CD83: variants seen among roughly 807,000 people sequenced by gnomAD.
CD83 encodes CD83 molecule, also known as CD83 antigen.
CD83 carries 22 observed loss-of-function variants against 24.6 expected under a neutral mutation model. The observed-to-expected ratio is 0.90, with a 90% CI of 0.64 to 1.28. The LOEUF (loss-of-function observed/expected upper bound fraction) is 1.28, where lower values mean the gene tolerates loss of function less well. Ranked by LOEUF, CD83 falls within the 50% of genes most tolerant of loss-of-function variation. The pLI, the probability that CD83 is intolerant of heterozygous loss-of-function variation, is 0.00. For synonymous variants in CD83, 101 were observed against 103.5 expected (o/e 0.98, Z 0.14); for missense variants, 253 against 252.8 (o/e 1.00, Z -0.01).
intron 4 of CD83, 112 bp downstream of exon 4, chr6:14,133,867 T>G: frequency 1.5e-6 from 1 of 682,632 alleles, no homozygotes; most frequent in Non-Finnish European, 2.4e-6. Context: ...GAGATTATTC[T>G]TTGAACCCTG....
intron 2 of CD83, among the ~76,000 whole-genome samples, chr6:14,119,639 C>T (rs1001001082): frequency 6.6e-6 from 1 of 152,158 alleles, no homozygotes; most frequent in Non-Finnish European, 1.5e-5. Context: ...TGTTAGAGGT[C>T]TATCTTGATC....
At chr6:14,121,165 A>G (rs1020613859) in intron 2 of CD83, among the ~76,000 whole-genome samples, 1 of 152,056 alleles carries the variant, frequency 6.6e-6, no homozygotes, top group Non-Finnish European at 1.5e-5. Flanking sequence ...TAGTAGCTCA[A>G]TTTAGCTTTA....
At chr6:14,118,268 C>A (rs190535984) in intron 2 of CD83, among the ~76,000 whole-genome samples, 1 of 152,254 alleles carries the variant, frequency 6.6e-6, no homozygotes, top group African/African-American at 2.4e-5. Context: ...TTAGGTTTTG[C>A]TCTCCGCAGA....
At chr6:14,125,038 A>C (rs1391280707) in intron 2 of CD83, among the ~76,000 whole-genome samples, 5 of 152,230 alleles carry the variant, frequency 3.3e-5, no homozygotes, top group Admixed American at 2.6e-4. Flanking sequence ...TCTACAAGCC[A>C]AGCAACGCCG....
At chr6:14,121,455 G>A (rs1365644090) in intron 2 of CD83, among the ~76,000 whole-genome samples, 1 of 151,552 alleles carries the variant, frequency 6.6e-6, no homozygotes, top group Admixed American at 6.6e-5. Flanking sequence ...AGGATTACAG[G>A]CATGAGCCAA....
chr6:14,133,666 A>G lies in CD83; in HGVS notation c.400A>G (p.Lys134Glu). The change falls in exon 4 of 5, where the codon AAA becomes GAA. Residue 134 changes from lysine (K) to glutamate (E), a missense_variant. Coordinates refer to ENST00000379153, the MANE Select transcript of CD83 (RefSeq NM_004233.4). ...TTTTAAAGGATGCCCTGCACAGCGT[A>G]AAGAAGAGACTTTTAAGAAATACAG... ...LRVTGCPAQR[K>E]EETFKKYRAE... 17 of 1,613,014 alleles carry G rather than the reference A, an allele frequency of 1.1e-5. No individual in the cohort carries two copies. The highest frequency in any genetic ancestry group is 1.4e-5 in the Non-Finnish European group (17 of 1,179,140).
At chr6:14,132,334 G>A (rs1757929381) in intron 3 of CD83, among the ~76,000 whole-genome samples, 1 of 152,238 alleles carries the variant, frequency 6.6e-6, no homozygotes, top group Non-Finnish European at 1.5e-5. Flanking sequence ...TCACCTGAAT[G>A]AGAGGAACCT....
chr6:14,131,375 C>G (rs907927129), intron 2 of CD83, 145 bp from the exon 3 acceptor site: 11 of 629,574 alleles, frequency 1.7e-5, no homozygotes, highest in South Asian at 9.8e-5. Context: ...TTTCCTCCCC[C>G]AGAGGTCACA....
intron 2 of CD83, among the ~76,000 whole-genome samples, chr6:14,121,833 G>A (rs202088383): frequency 9.2e-5 from 14 of 152,024 alleles, no homozygotes; most frequent in Non-Finnish European, 2.1e-4. Context: ...GAAAAGCGTC[G>A]CTGTGTCTAC....
chr6:14,125,868 G>A (rs1278295899), intron 2 of CD83, among the ~76,000 whole-genome samples: 2 of 152,242 alleles, frequency 1.3e-5, no homozygotes, highest in African/African-American at 2.4e-5. Flanking sequence ...CTAGAGCAGA[G>A]ATTGGGACTT....
chr6:14,135,036 G>C, intron 4 of CD83, 72 bp from the exon 5 acceptor site: 3 of 1,493,776 alleles, frequency 2.0e-6, no homozygotes, highest in East Asian at 4.5e-5. Flanking sequence ...TTAGTGAATA[G>C]AGTTTAAAAG....
At position 14,118,170 on chromosome 6, in the gene CD83, C is replaced by T. The variant is rs1307580063; in HGVS notation, c.153+105C>T. 3 of 725,706 alleles carry T rather than the reference C, an allele frequency of 4.1e-6. No homozygotes were observed. In the African/African-American group the frequency reaches 5.5e-5, roughly 13 times the overall value. 45.0% of individuals were successfully genotyped at this position (725,706 alleles called of 1,614,324 possible). Reference sequence around the variant, plus strand: ...ACCCTCTGTGGCTGCCAGGTGGGGGCGAGGGGCGTCTCCCGCAGCTGAACT... The same window carrying T: ...ACCCTCTGTGGCTGCCAGGTGGGGGTGAGGGGCGTCTCCCGCAGCTGAACT... On this transcript the variant is annotated intron_variant, in intron 2 of 4. Coordinates refer to ENST00000379153, the MANE Select transcript of CD83 (RefSeq NM_004233.4).
At chr6:14,126,277 G>A (rs1429302008) in intron 2 of CD83, among the ~76,000 whole-genome samples, 3 of 152,034 alleles carry the variant, frequency 2.0e-5, no homozygotes, top group African/African-American at 7.2e-5. Context: ...TGAAACCTTG[G>A]TTATAAAAAA....
rs1757906559 is a variant in CD83 at position 14,131,666 on chromosome 6, C to G, written c.300C>G (p.Cys100Trp). Reference sequence around the variant, plus strand: ...TGAAGATCCGAAACACTACCAGCTGCAACTCGGGGACATACAGGTGCACTC... The same window carrying G: ...TGAAGATCCGAAACACTACCAGCTGGAACTCGGGGACATACAGGTGCACTC... ...YSLKIRNTTS[C>W]NSGTYRCTLQ... Residue 100 changes from cysteine (C) to tryptophan (W), a missense_variant, in exon 3 of 5, where the codon TGC (cysteine) becomes TGG (tryptophan). Cys to Trp is a radical substitution (Grantham distance 215). Transcript: ENST00000379153. The G allele has an allele frequency of 1.2e-6, 2 of 1,614,170 alleles. No homozygotes were observed. The highest frequency in any genetic ancestry group is 1.7e-6 in the Non-Finnish European group (2 of 1,180,034).
At chr6:14,122,393 A>G (rs1464870587) in intron 2 of CD83, among the ~76,000 whole-genome samples, 1 of 152,196 alleles carries the variant, frequency 6.6e-6, no homozygotes, top group Non-Finnish European at 1.5e-5. Context: ...AACCAGGGAT[A>G]CTGAGGAGAG....
At chr6:14,121,332 G>C (rs770333910) in intron 2 of CD83, among the ~76,000 whole-genome samples, 3 of 151,656 alleles carry the variant, frequency 2.0e-5, no homozygotes, top group Non-Finnish European at 4.4e-5. Context: ...ACCACACCTG[G>C]CTAATTTTTA....
upstream of CD83, chr6:14,117,689 G>T (rs1448187990): frequency 9.0e-6 from 6 of 668,988 alleles, no homozygotes; most frequent in Non-Finnish European, 1.4e-5. The surrounding 1 kb of genome is among the most constrained non-coding windows in gnomAD (Gnocchi z 4.6). Context: ...CGCTTCCGCT[G>T]CCCGCCGGGG....
chr6:14,133,033 C>G (rs963050141), intron 3 of CD83, among the ~76,000 whole-genome samples: 2 of 152,230 alleles, frequency 1.3e-5, no homozygotes, highest in African/African-American at 4.8e-5. Context: ...TTTAACAGCC[C>G]TGAGGGAGTT....
upstream of CD83, chr6:14,117,707 C>T (rs1226181144): frequency 2.1e-5 from 17 of 814,144 alleles, no homozygotes; most frequent in Non-Finnish European, 2.6e-5. This position sits in a 1 kb window ranked among gnomAD's most constrained non-coding sequence, Gnocchi z 4.6. Flanking sequence ...GGGAATCCCC[C>T]GGGCTGGCGC....
Sources: allele counts gnomAD v4.1 joint callset (sites outside exome capture counted in the v4.1 genomes callset), GRCh38; gene constraint gnomAD v4.1.1; non-coding constraint Gnocchi (gnomAD v3.1); transcripts MANE v1.5; gene names NCBI Gene and HGNC (gene_info 2026-07-23, HGNC 2026-07-21).